RB1CC1: variants seen among roughly 807,000 people sequenced by gnomAD.
The protein encoded by RB1CC1 is RB1 inducible coiled-coil 1.
A neutral mutation model predicts 177.5 loss-of-function variants in RB1CC1; 46 were observed. The ratio of observed to expected loss-of-function variants is 0.26; its 90% CI spans 0.20 to 0.33. RB1CC1 has a LOEUF of 0.33. Ranked by LOEUF, RB1CC1 falls within the 10% of genes least tolerant of loss-of-function variation. The probability of loss-of-function intolerance (pLI) is 1.00; values close to 1 mark genes in which losing one functional copy is unlikely to be tolerated. For synonymous variants in RB1CC1, 666 were observed against 613.6 expected (o/e 1.09, Z -1.26); for missense variants, 1,703 against 1,816.3 (o/e 0.94, Z 1.13).
At chr8:52,664,286 A>C (rs988791996) in intron 8 of RB1CC1, among the ~76,000 whole-genome samples, 1 of 152,150 alleles carries the variant, frequency 6.6e-6, no homozygotes, top group Non-Finnish European at 1.5e-5. Flanking sequence ...CTTGGGGTCT[A>C]TATTTCTGTC....
rs570436997 is a variant in RB1CC1 at position 52,656,510 on chromosome 8, G to A, written c.3319C>T (p.Leu1107Phe). 6.2e-7 allele frequency: 1 copy of A among 1,611,298 alleles called. No individual in the cohort carries two copies. The highest frequency in any genetic ancestry group is 1.1e-5 in the South Asian group (1 of 90,904). Residue 1107 changes from leucine to phenylalanine, a missense_variant, in exon 15 of 24, where the codon CTC (leucine) becomes TTC (phenylalanine). Leu to Phe is a conservative substitution (Grantham distance 22). This residue lies in a region of RB1CC1 where 1,169 missense variants were observed against 1,184.7 expected (regional missense o/e 0.99). Transcript: ENST00000025008. ...TTATTATCCTGAATCTTTTGGTTGA[G>A]TTTACTAATTTCTGTTCTCAAATTT... ...TENLRTEISKLNQKIQDNNEN... is the reference protein window; with the variant it reads ...TENLRTEISKFNQKIQDNNEN...
At chr8:52,655,537 A>T (rs1851016097) in intron 15 of RB1CC1, among the ~76,000 whole-genome samples, 1 of 152,124 alleles carries the variant, frequency 6.6e-6, no homozygotes, top group South Asian at 2.1e-4. Context: ...AAATAACTGA[A>T]ACTGTATTAA....
intron 1 of RB1CC1, among the ~76,000 whole-genome samples, chr8:52,696,571 T>C (rs965492767): frequency 2.6e-5 from 4 of 151,946 alleles, no homozygotes; most frequent in African/African-American, 9.7e-5. Context: ...AGTAACTGAA[T>C]GGCAAAAACC....
rs79516932 is a variant in RB1CC1, at chr8:52,655,951, C to T, written c.3821+57G>A. 3.7e-6 allele frequency: 5 copies of T among 1,334,598 alleles called. No homozygotes were observed. In the African/African-American group the frequency reaches 5.9e-5, roughly 16 times the overall value. The allele number at this position is 1,334,598 out of a possible 1,614,324, so 82.7% of individuals were successfully genotyped here. Reference sequence around the variant, plus strand: ...AGTAAATCAAGGTACTGTGATTACACACAAACGAATCACTGATATTTTAAT... The same window carrying T: ...AGTAAATCAAGGTACTGTGATTACATACAAACGAATCACTGATATTTTAAT... On this transcript the variant is annotated intron_variant, in intron 15 of 23. Transcript: ENST00000025008.
rs1031163349 is a variant in RB1CC1, at chr8:52,658,746, A to G, written c.1793+127T>C. ...AAATTTCTCAAAGCAGTCACAGGAA[A>G]GCCAGTCTATCTTAAATATTTCTTA... is the stretch of plus-strand genomic sequence containing the variant. On this transcript the variant is annotated intron_variant, in intron 13 of 23. Transcript: ENST00000025008. 1.5e-5 allele frequency: 8 copies of G among 525,630 alleles called. No individual in the cohort carries two copies. In the Admixed American group the frequency reaches 3.4e-4, roughly 22 times the overall value. 32.6% of individuals were successfully genotyped at this position (525,630 alleles called of 1,614,324 possible). A position where few individuals can be genotyped will look rare whatever the true frequency, so the allele number is the denominator to read the frequency against.
chr8:52,683,526 TAA>T (rs34702318), intron 5 of RB1CC1, 21 bp downstream of exon 5: 23,823 of 1,521,308 alleles, frequency 0.016, 280 homozygotes, highest in Non-Finnish European at 0.017. Context: ...AACAATCAGT[TAA>T]AATAATTGTT....
intron 1 of RB1CC1, among the ~76,000 whole-genome samples, chr8:52,698,038 G>A (rs1232536638): frequency 6.6e-6 from 1 of 152,030 alleles, no homozygotes; most frequent in Non-Finnish European, 1.5e-5. Context: ...TTTTAAGACA[G>A]GATTTAAAAT....
chr8:52,645,667 T>A (rs367744550), intron 16 of RB1CC1, 35 bp downstream of exon 16: 1 of 1,585,026 alleles, frequency 6.3e-7, no homozygotes, highest in African/African-American at 1.4e-5. Context: ...CTACCTTCTT[T>A]AGTTCTCAAA....
intron 5 of RB1CC1, among the ~76,000 whole-genome samples, chr8:52,680,161 TAAA>T (rs775128635): frequency 3.0e-4 from 46 of 151,508 alleles, no homozygotes; most frequent in Non-Finnish European, 8.8e-5. Flanking sequence ...GAATTAAAAG[TAAA>T]AAAAACTAAA....
intron 1 of RB1CC1, among the ~76,000 whole-genome samples, chr8:52,709,762 A>C (rs1373638944): frequency 1.3e-5 from 2 of 152,208 alleles, no homozygotes; most frequent in East Asian, 3.9e-4. Flanking sequence ...ACAAACAAAC[A>C]AAACAGAATT....
chr8:52,627,239 C>A (rs1010701283), intron 22 of RB1CC1, among the ~76,000 whole-genome samples: 1 of 152,016 alleles, frequency 6.6e-6, no homozygotes, highest in African/African-American at 2.4e-5. Flanking sequence ...TCCAGCTACT[C>A]GGGAAGCTGA....
In RB1CC1 at chr8:52,642,765, GTTTTC is replaced by G. The variant is rs772095564; in HGVS notation, c.4030_4034del (p.Glu1344HisfsTer4). The G allele has an allele frequency of 6.3e-7, 1 of 1,578,850 alleles. No individual in the cohort carries two copies. Among genetic ancestry groups the G allele is most frequent in the Non-Finnish European group, 8.5e-7 (1 of 1,169,958 alleles). On this transcript the variant is annotated frameshift_variant, in exon 17 of 24. Coordinates refer to ENST00000025008, the MANE Select transcript of RB1CC1 (RefSeq NM_014781.5). LOFTEE classifies it high-confidence loss of function. ...ACTTATCACTAAGATCATTTATTAT[GTTTTC>G]TTTTCTCATTTTCTCTCTTGTTAAA...
intron 5 of RB1CC1, among the ~76,000 whole-genome samples, chr8:52,679,624 C>T (rs13249260): frequency 0.68 from 103,245 of 152,074 alleles, 35,410 homozygotes; most frequent in East Asian, 0.83. Flanking sequence ...GCACATGTTA[C>T]CAGGACCCCC....
At chr8:52,686,426 G>GTT (rs1452695550) in intron 2 of RB1CC1, among the ~76,000 whole-genome samples, 1 of 152,104 alleles carries the variant, frequency 6.6e-6, no homozygotes, top group Non-Finnish European at 1.5e-5. Flanking sequence ...CATGCCTGTG[G>GTT]TCCTAGCAAC....
At chr8:52,647,205 T>C (rs1850126110) in intron 15 of RB1CC1, among the ~76,000 whole-genome samples, 1 of 152,218 alleles carries the variant, frequency 6.6e-6, no homozygotes, top group Admixed American at 6.5e-5. Context: ...TTAAACTTGC[T>C]GCTCAGATAA....
At chr8:52,683,254 C>G (rs959630798) in intron 5 of RB1CC1, among the ~76,000 whole-genome samples, 1 of 152,042 alleles carries the variant, frequency 6.6e-6, no homozygotes, top group South Asian at 2.1e-4. Context: ...TCTACTCTAA[C>G]GTAGGTCCTT....
chr8:52,636,278 G>A (rs112135287), intron 18 of RB1CC1, among the ~76,000 whole-genome samples: 26 of 152,210 alleles, frequency 1.7e-4, no homozygotes, highest in East Asian at 7.7e-4. Context: ...GAAATAATAA[G>A]TAAAACTCTG....
chr8:52,683,487 TG>T (rs1853957351), intron 5 of RB1CC1, 61 bp downstream of exon 5: 1 of 1,365,232 alleles, frequency 7.3e-7, no homozygotes, highest in African/African-American at 1.5e-5. Context: ...TTTAGACTAC[TG>T]TGCTATTTAG....
At chr8:52,679,967 T>A (rs967685865) in intron 5 of RB1CC1, among the ~76,000 whole-genome samples, 3 of 152,134 alleles carry the variant, frequency 2.0e-5, no homozygotes, top group African/African-American at 7.2e-5. Context: ...CTCTTACACA[T>A]ATAGATTCTG....
Sources: gnomAD v4.1 joint callset for allele counts (sites outside exome capture counted in the v4.1 genomes callset) on GRCh38, gnomAD v4.1.1 for gene constraint, gnomAD v4.1.1 regional missense constraint, MANE v1.5 for transcripts, NCBI Gene and HGNC (gene_info 2026-07-23, HGNC 2026-07-21) for gene names.